Variants in DCST1 observed in about 807,000 individuals in gnomAD.
The protein encoded by DCST1 is DC-STAMP domain containing 1, also known as E3 ubiquitin-protein ligase DCST1.
DCST1 carries 78 observed loss-of-function variants against 89.1 expected under a neutral mutation model. The observed-to-expected ratio is 0.88, with a 90% CI of 0.73 to 1.06. DCST1 has a LOEUF of 1.06. Among genes scored for constraint, DCST1 ranks in the 50% least tolerant of loss-of-function variants. The pLI is 0.00. For synonymous variants in DCST1, 364 were observed against 371.9 expected (o/e 0.98, Z 0.24); for missense variants, 900 against 928.6 (o/e 0.97, Z 0.40).
At chr1:155,041,366 CA>C in intron 6 of DCST1, 30 bp from the exon 7 acceptor site, 6 of 1,610,916 alleles carry the variant, frequency 3.7e-6, no homozygotes, top group Non-Finnish European at 5.1e-6. Context: ...CCCCAGCCCT[CA>C]CCCTTTCCTC....
intron 8 of DCST1, 110 bp from the exon 9 acceptor site, chr1:155,042,625 C>A: frequency 6.8e-7 from 1 of 1,467,002 alleles, no homozygotes; most frequent in Non-Finnish European, 9.4e-7. Context: ...AAGCCATGGG[C>A]AGAGAGACAA....
chr1:155,047,124 AC>A, intron 13 of DCST1, 71 bp from the exon 14 acceptor site: 3 of 1,224,732 alleles, frequency 2.4e-6, no homozygotes, highest in Non-Finnish European at 3.6e-6. Context: ...CCCCTCCCTG[AC>A]ATCCACCCCC....
At position 155,039,649 on chromosome 1, in the gene DCST1, C is replaced by A; in HGVS notation, c.391+118C>A. On this transcript the variant is annotated intron_variant, in intron 5 of 16. Coordinates refer to ENST00000295542, the MANE Select transcript of DCST1 (RefSeq NM_152494.4). ...GAGTGTCATCCCAGCTGCTCTAACT[C>A]ACTGTATGTCCCTGAGGGAGCTCCT... is the stretch of plus-strand genomic sequence containing the variant. 3.8e-6 allele frequency: 5 copies of A among 1,330,198 alleles called. No homozygotes were observed. The South Asian group carries it at 7.3e-5, about 19-fold the overall frequency. 82.4% of individuals were successfully genotyped at this position (1,330,198 alleles called of 1,614,324 possible). A position where few individuals can be genotyped will look rare whatever the true frequency, so the allele number is the denominator to read the frequency against.
intron 10 of DCST1, 98 bp downstream of exon 10, chr1:155,043,607 C>T (rs1403080728): frequency 1.5e-6 from 2 of 1,336,138 alleles, no homozygotes; most frequent in Non-Finnish European, 2.0e-6. Flanking sequence ...CACCTATCCT[C>T]ACCTCTGAAT....
chr1:155,035,720 A>G (rs564722679), intron 4 of DCST1, among the ~76,000 whole-genome samples: 2 of 152,216 alleles, frequency 1.3e-5, no homozygotes, highest in Admixed American at 1.3e-4. Context: ...ACCTGAGGTC[A>G]GGAGTTTGAG....
chr1:155,043,447 GGAGT>G lies in DCST1; in HGVS notation c.1112_1115del (p.Glu371GlyfsTer82). The G allele has an allele frequency of 1.2e-6, 2 of 1,613,030 alleles. No homozygotes were observed. The highest frequency in any genetic ancestry group is 1.7e-6 in the Non-Finnish European group (2 of 1,179,616). On this transcript the variant is annotated frameshift_variant, in exon 10 of 17. Transcript: ENST00000295542. LOFTEE classifies it high-confidence loss of function. ...ACGTGTACCGCCAGGAGGCCCGGCT[GGAGT>G]GGGCCCTGGGGCTGCTGCACGTGCT...
chr1:155,045,831 G>C, intron 10 of DCST1, 62 bp from the exon 11 acceptor site: 1 of 1,451,512 alleles, frequency 6.9e-7, no homozygotes, highest in South Asian at 1.1e-5. Context: ...GGAAGCCCAT[G>C]TTTGGGGATA....
intron 9 of DCST1, among the ~76,000 whole-genome samples, 176 bp downstream of exon 9, chr1:155,043,032 T>C (rs1660483929): frequency 6.6e-6 from 1 of 150,966 alleles, no homozygotes; most frequent in South Asian, 2.1e-4. Context: ...CTGTTTCCCA[T>C]CTCCACCCCC....
chr1:155,038,459 G>A (rs145234975), intron 4 of DCST1, among the ~76,000 whole-genome samples: 3 of 152,340 alleles, frequency 2.0e-5, no homozygotes, highest in Non-Finnish European at 4.4e-5. Flanking sequence ...AGGACATAGG[G>A]AGACTCATCA....
chr1:155,046,478 C>A lies in DCST1; in HGVS notation c.1487C>A (p.Ser496Tyr). ...TIRHHSFLQYSFRSSHKLEVK... is the reference protein window; with the variant it reads ...TIRHHSFLQYYFRSSHKLEVK... The stretch of plus-strand genomic sequence containing the variant: ...CGCCACCACTCCTTCCTGCAGTACT[C>A]CTTCCGCAGTAAGCCCATCCCCCAG... The change falls in exon 13 of 17, where the codon TCC becomes TAC. Residue 496 changes from serine to tyrosine, a missense_variant. Coordinates refer to ENST00000295542, the MANE Select transcript of DCST1 (RefSeq NM_152494.4). 6.2e-7 allele frequency: 1 copy of A among 1,614,052 alleles called. No homozygotes were observed. Among genetic ancestry groups the A allele is most frequent in the Admixed American group, 1.7e-5 (1 of 60,006 alleles).
At chr1:155,040,228 G>A (rs567160599) in intron 5 of DCST1, among the ~76,000 whole-genome samples, 74 of 150,940 alleles carry the variant, frequency 4.9e-4, no homozygotes, top group Admixed American at 3.2e-3. Flanking sequence ...GCTTGAGCCC[G>A]GGAGGCGGAG....
chr1:155,036,706 G>A (rs1660286984), intron 4 of DCST1, among the ~76,000 whole-genome samples: 1 of 152,220 alleles, frequency 6.6e-6, no homozygotes, highest in African/African-American at 2.4e-5. Flanking sequence ...CGTGTAGCAG[G>A]CACTCACACC....
chr1:155,044,474 T>C (rs1049324329), intron 10 of DCST1, among the ~76,000 whole-genome samples: 2 of 125,628 alleles, frequency 1.6e-5, no homozygotes, highest in Non-Finnish European at 3.2e-5. Context: ...GAGTGAGAGC[T>C]TGTCTCAAAA....
chr1:155,047,961 C>T (rs1469651879), intron 15 of DCST1, 32 bp downstream of exon 15: 1 of 1,613,468 alleles, frequency 6.2e-7, no homozygotes, highest in Non-Finnish European at 8.5e-7. Flanking sequence ...TCCACCCCTA[C>T]ACACCTGCAC....
intron 5 of DCST1, 58 bp from the exon 6 acceptor site, chr1:155,040,427 G>A (rs768343884): frequency 1.7e-5 from 26 of 1,539,446 alleles, no homozygotes; most frequent in African/African-American, 4.1e-5. Context: ...GAAGCTGAGC[G>A]GGTTTGAGAA....
In DCST1 at chr1:155,043,431, G is replaced by T. The variant is rs570204076; in HGVS notation, c.1094G>T (p.Arg365Leu). Residue 365 changes from arginine (R) to leucine (L), a missense_variant, in exon 10 of 17, where the codon CGC becomes CTC. Coordinates refer to ENST00000295542, the MANE Select transcript of DCST1 (RefSeq NM_152494.4). ...VSTEVRDYVY[R>L]QEARLEWALG... is the part of the protein sequence containing the mutation. ...ACCGAGGTGCGGGACTACGTGTACC[G>T]CCAGGAGGCCCGGCTGGAGTGGGCC... is the stretch of plus-strand genomic sequence containing the variant. The T allele has an allele frequency of 4.3e-6, 7 of 1,613,470 alleles. No homozygotes were observed. The highest frequency in any genetic ancestry group is 5.1e-6 in the Non-Finnish European group (6 of 1,179,756).
At chr1:155,038,496 G>A (rs1449975897) in intron 4 of DCST1, among the ~76,000 whole-genome samples, 1 of 152,196 alleles carries the variant, frequency 6.6e-6, no homozygotes, top group Non-Finnish European at 1.5e-5. Context: ...AGAGATGATG[G>A]GGACTCTACC....
At position 155,041,429 on chromosome 1, in the gene DCST1, G is replaced by A; in HGVS notation, c.564G>A (p.Arg188=). ...SSKELLRAET[R]NISATFEDLD... ...AAGAATTGCTGAGAGCAGAGACTCGGAACATCTCCGCCACTTTTGAGGACC... is the reference window on the plus strand; with the variant it reads ...AAGAATTGCTGAGAGCAGAGACTCGAAACATCTCCGCCACTTTTGAGGACC... Residue 188 remains arginine, a synonymous_variant, in exon 7 of 17, where the codon CGG becomes CGA. Coordinates refer to ENST00000295542, the MANE Select transcript of DCST1 (RefSeq NM_152494.4). 6.2e-7 allele frequency: 1 copy of A among 1,613,854 alleles called. No homozygotes were observed. The highest frequency in any genetic ancestry group is 8.5e-7 in the Non-Finnish European group (1 of 1,180,030).
chr1:155,034,589 G>A (rs1324040955), intron 3 of DCST1, 29 bp downstream of exon 3: 28 of 1,613,844 alleles, frequency 1.7e-5, no homozygotes, highest in Non-Finnish European at 2.4e-5. Context: ...AGTTCGGGGT[G>A]GGCAGAGGCT....
Sources: gnomAD v4.1 joint callset for allele counts (sites outside exome capture counted in the v4.1 genomes callset) on GRCh38, gnomAD v4.1.1 for gene constraint, MANE v1.5 for transcripts, NCBI Gene and HGNC (gene_info 2026-07-23, HGNC 2026-07-21) for gene names.